Variants in JPH3 observed in about 807,000 individuals in gnomAD.
JPH3 encodes the protein junctophilin 3, also known as junctophilin-3.
In JPH3, 11 loss-of-function variants were observed where a neutral mutation model predicts 59.6. That is an observed-to-expected ratio of 0.18 (90% CI 0.12 to 0.31). The LOEUF is 0.31. JPH3 is among the 10% of genes least tolerant of loss of function. JPH3 has a pLI of 1.00. For synonymous variants in JPH3, 673 were observed against 483.6 expected, an observed-to-expected ratio of 1.39 and a Z score of -5.14; for missense variants, 1,202 against 1,105.7, an observed-to-expected ratio of 1.09 and a Z score of -1.24.
chr16:87,679,747 C>A (rs2033238780), intron 2 of JPH3, among the ~76,000 whole-genome samples: 1 of 152,226 alleles, frequency 6.6e-6, no homozygotes, highest in Admixed American at 6.5e-5. Flanking sequence ...TCCGGGTGGC[C>A]ACCATCTGGG....
intron 3 of JPH3, among the ~76,000 whole-genome samples, chr16:87,686,853 G>A (rs2033431400): frequency 2.0e-5 from 3 of 152,222 alleles, no homozygotes; most frequent in Non-Finnish European, 4.4e-5. Flanking sequence ...CCGCTGTGAT[G>A]GAGAGACGGG....
Position 87,690,080 on chromosome 16 carries a change from C to A in JPH3, c.1720C>A (p.Arg574=), listed in dbSNP as rs1047097758. The A allele has an allele frequency of 6.4e-7, 1 of 1,570,326 alleles. No homozygotes were observed. The highest frequency in any genetic ancestry group is 8.6e-7 in the Non-Finnish European group (1 of 1,159,260). ...GCCCGGGAACCCCAAGCCGCGGGAGCGGCGGACGGAGTCACCCCCCGTGTT... is the reference window on the plus strand; with the variant it reads ...GCCCGGGAACCCCAAGCCGCGGGAGAGGCGGACGGAGTCACCCCCCGTGTT... ...KQPGNPKPRE[R]RTESPPVFTW... The change falls in exon 4 of 5, where the codon CGG becomes AGG. Residue 574 remains arginine, a synonymous_variant. Transcript: ENST00000284262.
chr16:87,662,954 GT>G (rs1445260689), intron 2 of JPH3, among the ~76,000 whole-genome samples: 1 of 152,136 alleles, frequency 6.6e-6, no homozygotes, highest in Non-Finnish European at 1.5e-5. Flanking sequence ...TGCCTGGTTG[GT>G]AAGCCCTGAG....
chr16:87,675,646 C>A (rs949817765), intron 2 of JPH3, among the ~76,000 whole-genome samples: 3 of 152,184 alleles, frequency 2.0e-5, no homozygotes, highest in African/African-American at 7.2e-5. Flanking sequence ...GGGAGTGTGG[C>A]TTTCTAGAGT....
chr16:87,635,296 C>T (rs1284791463), intron 1 of JPH3, among the ~76,000 whole-genome samples: 4 of 152,158 alleles, frequency 2.6e-5, no homozygotes, highest in Non-Finnish European at 5.9e-5. Context: ...GAGGGCTGCG[C>T]TCTCTCCAGC....
intron 2 of JPH3, among the ~76,000 whole-genome samples, chr16:87,666,923 G>A (rs538277324): frequency 1.3e-4 from 20 of 152,326 alleles, no homozygotes; most frequent in Non-Finnish European, 2.8e-4. Flanking sequence ...TCGGCTCCTG[G>A]GCCTGTGTGC....
At position 87,636,910 on chromosome 16, in the gene JPH3, G is replaced by GT. The variant is rs2150839448; in HGVS notation, c.383-7347dup. The stretch of plus-strand genomic sequence containing the variant: ...ATGTGACTGACCTTCCCCGGCCATA[G>GT]TACGCGCAGCGCAGTGGGGCCTGGA... On this transcript the variant is annotated intron_variant, in intron 1 of 4. Coordinates refer to ENST00000284262, the MANE Select transcript of JPH3 (RefSeq NM_020655.4). Among the ~76,000 whole-genome samples the GT allele has an allele frequency of 2.0e-5, 3 of 152,240 alleles. 1 individual carries two copies. In the South Asian group the frequency reaches 6.2e-4, roughly 32 times the overall value.
At chr16:87,693,966 T>C (rs1284344182) in intron 4 of JPH3, 1 of 152,284 alleles carries the variant, frequency 6.6e-6, no homozygotes, top group African/African-American at 2.4e-5. Flanking sequence ...GCTGCCGTGT[T>C]GAGCCCACCG....
rs897289978 is a variant in JPH3 at position 87,638,879 on chromosome 16, C to T, written c.383-5379C>T. Among the ~76,000 whole-genome samples the T allele has an allele frequency of 5.9e-5, 9 of 152,100 alleles. No homozygotes were observed. In the East Asian group the frequency reaches 1.8e-3, roughly 30 times the overall value. On this transcript the variant is annotated intron_variant, in intron 1 of 4. Transcript: ENST00000284262. ...TCTATCCAAGGGAAGAAGCAGGGATCTGCCTACGAATCTCTCAGGATGTGA... is the reference window on the plus strand; with the variant it reads ...TCTATCCAAGGGAAGAAGCAGGGATTTGCCTACGAATCTCTCAGGATGTGA...
Position 87,644,655 on chromosome 16 carries a change from C to T in JPH3, c.780C>T (p.Ile260=). The T allele has an allele frequency of 1.2e-6, 2 of 1,611,878 alleles. No individual in the cohort carries two copies. Among genetic ancestry groups the T allele is most frequent in the Non-Finnish European group, 1.7e-6 (2 of 1,179,906 alleles). Residue 260 remains isoleucine (I), a synonymous_variant, in exon 2 of 5, where the codon ATC becomes ATT. Transcript: ENST00000284262. ...MSTVSSTASD[I]HSTISLGEAE... ...CCGTCAGCTCCACGGCCAGCGACAT[C>T]CACTCCACCATCAGCCTGGGCGAGG...
intron 1 of JPH3, among the ~76,000 whole-genome samples, chr16:87,608,915 G>A (rs781585741): frequency 6.6e-6 from 1 of 152,220 alleles, no homozygotes; most frequent in Non-Finnish European, 1.5e-5. Context: ...CTGCACGCCT[G>A]TGGTCCCACC....
intron 1 of JPH3, among the ~76,000 whole-genome samples, chr16:87,620,199 C>T (rs1416636998): frequency 2.6e-5 from 4 of 151,978 alleles, no homozygotes; most frequent in African/African-American, 9.7e-5. Flanking sequence ...CAGGCTGAGC[C>T]TGGGTGGCTA....
intron 1 of JPH3, among the ~76,000 whole-genome samples, chr16:87,605,647 C>T (rs1291449173): frequency 6.6e-6 from 1 of 152,200 alleles, no homozygotes; most frequent in East Asian, 1.9e-4. Flanking sequence ...CAGACAGCTC[C>T]CTCAGCATCC....
intron 2 of JPH3, among the ~76,000 whole-genome samples, chr16:87,657,630 C>T (rs1412053237): frequency 6.6e-6 from 1 of 152,188 alleles, no homozygotes; most frequent in African/African-American, 2.4e-5. Flanking sequence ...ACCAGTCACT[C>T]ATTGTGGAGA....
intron 1 of JPH3, among the ~76,000 whole-genome samples, chr16:87,640,737 C>T (rs4240797): frequency 0.18 from 27,394 of 152,052 alleles, 2,906 homozygotes; most frequent in East Asian, 0.38. Context: ...CAGCGTGTCC[C>T]CTAAAGAACG....
chr16:87,652,089 C>G (rs2032342055), intron 2 of JPH3, among the ~76,000 whole-genome samples: 1 of 152,186 alleles, frequency 6.6e-6, no homozygotes, highest in Non-Finnish European at 1.5e-5. Flanking sequence ...ATTCTCCTGC[C>G]TCAGCCTCCC....
chr16:87,629,750 C>A (rs919467087), intron 1 of JPH3, among the ~76,000 whole-genome samples: 4 of 152,132 alleles, frequency 2.6e-5, no homozygotes, highest in Non-Finnish European at 5.9e-5. Flanking sequence ...CTCTGAGATA[C>A]TCTAATGGCG....
At chr16:87,684,316 A>G (rs1369336173) in intron 3 of JPH3, 50 bp downstream of exon 3, 3 of 1,600,730 alleles carry the variant, frequency 1.9e-6, no homozygotes, top group Non-Finnish European at 8.5e-7. Context: ...GGGTGCGTGG[A>G]TGGCTGGGCA....
intron 2 of JPH3, among the ~76,000 whole-genome samples, chr16:87,674,427 A>G (rs2033095413): frequency 6.6e-6 from 1 of 152,242 alleles, no homozygotes; most frequent in African/African-American, 2.4e-5. Context: ...GTGTTTGAAA[A>G]CTGGAGCCTG....
Sources: gnomAD v4.1 joint callset for allele counts (sites outside exome capture counted in the v4.1 genomes callset) on GRCh38, gnomAD v4.1.1 for gene constraint, MANE v1.5 for transcripts, NCBI Gene and HGNC (gene_info 2026-07-23, HGNC 2026-07-21) for gene names.